The following CNTN3 variants were observed in gnomAD, a reference collection of about 807,000 sequenced individuals.
CNTN3 encodes the protein contactin-3.
CNTN3 carries 60 observed loss-of-function variants against 119.1 expected under a neutral mutation model. The observed-to-expected ratio is 0.50, with a 90% CI of 0.41 to 0.62. The LOEUF (loss-of-function observed/expected upper bound fraction) is 0.62, where lower values mean the gene tolerates loss of function less well. Among genes scored for constraint, CNTN3 ranks in the 20% least tolerant of loss-of-function variants. CNTN3 has a pLI of 0.00. For synonymous variants in CNTN3, 450 were observed against 438.7 expected, an observed-to-expected ratio of 1.03 and a Z score of -0.32; for missense variants, 1,101 against 1,242.4, an observed-to-expected ratio of 0.89 and a Z score of 1.71.
intron 1 of CNTN3, among the ~76,000 whole-genome samples, chr3:74,522,657 T>C (rs1368831950): frequency 6.6e-6 from 1 of 151,612 alleles, no homozygotes; most frequent in East Asian, 2.0e-4. Flanking sequence ...CTAAGAGTCA[T>C]CCAAGAGTCA....
chr3:74,401,355 G>C (rs991682142), intron 5 of CNTN3, among the ~76,000 whole-genome samples: 6 of 152,062 alleles, frequency 3.9e-5, no homozygotes, highest in Non-Finnish European at 7.4e-5. Flanking sequence ...ATGCACTCAA[G>C]ATAAAAAAGA....
intron 4 of CNTN3, among the ~76,000 whole-genome samples, chr3:74,428,033 A>G (rs569407405): frequency 5.5e-4 from 84 of 152,292 alleles, no homozygotes; most frequent in African/African-American, 1.9e-3. Context: ...TGGCCAGACC[A>G]TATTTACAAC....
intron 20 of CNTN3, among the ~76,000 whole-genome samples, chr3:74,272,854 C>T (rs998825278): frequency 7.9e-5 from 12 of 152,222 alleles, no homozygotes; most frequent in Non-Finnish European, 1.3e-4. Flanking sequence ...GTCTATTTTT[C>T]ATTCTACTTA....
rs1701609038 is a variant in CNTN3 at position 74,263,262 on chromosome 3, T to G, written c.*1139A>C. On this transcript the variant is annotated 3_prime_UTR_variant, in exon 23 of 23. Transcript: ENST00000263665. ...TCAAAGTCAGCAGCATTGCCTTGGTTCTATTACAAATTTAACTCAGGAACT... is the reference window on the plus strand; with the variant it reads ...TCAAAGTCAGCAGCATTGCCTTGGTGCTATTACAAATTTAACTCAGGAACT... The G allele has an allele frequency of 6.6e-6, 1 of 152,150 alleles. No homozygotes were observed. Among genetic ancestry groups the G allele is most frequent in the Non-Finnish European group, 1.5e-5 (1 of 67,998 alleles). 9.4% of individuals were successfully genotyped at this position (152,150 alleles called of 1,614,324 possible).
intron 4 of CNTN3, among the ~76,000 whole-genome samples, chr3:74,429,285 T>C (rs537429607): frequency 3.3e-4 from 50 of 152,162 alleles, no homozygotes; most frequent in African/African-American, 1.2e-3. Flanking sequence ...CTACCTAACA[T>C]TGAGGCTTAT....
At chr3:74,353,471 C>T (rs1242924737) in intron 11 of CNTN3, among the ~76,000 whole-genome samples, 1 of 152,132 alleles carries the variant, frequency 6.6e-6, no homozygotes, top group Non-Finnish European at 1.5e-5. Flanking sequence ...AAAATTAAGG[C>T]ATAGGCCGGG....
chr3:74,459,450 A>C (rs952613668), intron 4 of CNTN3, among the ~76,000 whole-genome samples: 1 of 152,044 alleles, frequency 6.6e-6, no homozygotes, highest in Non-Finnish European at 1.5e-5. Context: ...TGACCTGCTT[A>C]ATTTATGCCC....
At chr3:74,322,007 G>A (rs1282674768) in intron 13 of CNTN3, among the ~76,000 whole-genome samples, 2 of 151,930 alleles carry the variant, frequency 1.3e-5, no homozygotes, top group Non-Finnish European at 1.5e-5. Flanking sequence ...CCAACATGGT[G>A]AAACCCCGTC....
intron 20 of CNTN3, among the ~76,000 whole-genome samples, chr3:74,281,836 A>C (rs938186028): frequency 5.3e-5 from 8 of 152,160 alleles, no homozygotes; most frequent in Admixed American, 1.3e-4. Flanking sequence ...AGAACCAATA[A>C]TTCAGTTTTA....
chr3:74,596,581 C>G (rs916245603), intron 1 of CNTN3, among the ~76,000 whole-genome samples: 4 of 151,920 alleles, frequency 2.6e-5, no homozygotes, highest in African/African-American at 7.2e-5. Context: ...AAACAAGAAA[C>G]AGGGAAAGGA....
At chr3:74,403,865 G>A (rs1412377232) in intron 5 of CNTN3, among the ~76,000 whole-genome samples, 1 of 151,166 alleles carries the variant, frequency 6.6e-6, no homozygotes, top group African/African-American at 2.5e-5. Flanking sequence ...GAGACTCCCT[G>A]CTCTGTCTAC....
chr3:74,479,313 C>G (rs1293448585), intron 4 of CNTN3, among the ~76,000 whole-genome samples: 1 of 151,950 alleles, frequency 6.6e-6, no homozygotes, highest in African/African-American at 2.4e-5. Context: ...TAGGTTGGTG[C>G]AAAAGTAACT....
intron 5 of CNTN3, among the ~76,000 whole-genome samples, chr3:74,378,716 G>A (rs546703917): frequency 2.6e-5 from 4 of 152,296 alleles, no homozygotes; most frequent in South Asian, 4.1e-4. Flanking sequence ...TGCATGGTTC[G>A]TAAAGCTTAA....
chr3:74,560,835 T>A (rs1704141475), intron 1 of CNTN3, among the ~76,000 whole-genome samples: 1 of 151,974 alleles, frequency 6.6e-6, no homozygotes. Context: ...CATGGAATAC[T>A]ATGCAGCCAT....
At chr3:74,377,566 C>G (rs759992291) in intron 5 of CNTN3, among the ~76,000 whole-genome samples, 3 of 152,130 alleles carry the variant, frequency 2.0e-5, no homozygotes, top group Non-Finnish European at 2.9e-5. Flanking sequence ...CTCAAACAAG[C>G]TAGTCTTTAC....
At chr3:74,327,714 G>A (rs1227155029) in intron 13 of CNTN3, among the ~76,000 whole-genome samples, 1 of 151,812 alleles carries the variant, frequency 6.6e-6, no homozygotes, top group African/African-American at 2.4e-5. Context: ...TGGTGGAGGT[G>A]GAAAATTGAT....
intron 13 of CNTN3, among the ~76,000 whole-genome samples, chr3:74,317,438 GTCTTTAC>G (rs1391589615): frequency 2.6e-5 from 4 of 152,306 alleles, no homozygotes; most frequent in African/African-American, 9.6e-5. Flanking sequence ...AGCCCTGATG[GTCTTTAC>G]ATTTTAGCAT....
chr3:74,442,182 G>C (rs36011724), intron 4 of CNTN3, among the ~76,000 whole-genome samples: 49,243 of 136,720 alleles, frequency 0.36, 8,454 homozygotes, highest in African/African-American at 0.42. Flanking sequence ...CACACAGAGA[G>C]AGAGAGATTA....
chr3:74,591,741 G>T (rs191113069), intron 1 of CNTN3, among the ~76,000 whole-genome samples: 1 of 152,046 alleles, frequency 6.6e-6, no homozygotes, highest in East Asian at 1.9e-4. Flanking sequence ...ACAGAAATAG[G>T]AAAGGGTAAG....
Sources: allele counts gnomAD v4.1 joint callset (sites outside exome capture counted in the v4.1 genomes callset), GRCh38; gene constraint gnomAD v4.1.1; transcripts MANE v1.5; gene names NCBI Gene and HGNC (gene_info 2026-07-23, HGNC 2026-07-21).